PDGFD: variants seen among roughly 807,000 people sequenced by gnomAD.
PDGFD encodes platelet-derived growth factor D.
PDGFD carries 30 observed loss-of-function variants against 44.7 expected under a neutral mutation model. The observed-to-expected ratio is 0.67, with a 90% confidence interval of 0.50 to 0.91. The LOEUF is 0.91. Among genes scored for constraint, PDGFD ranks in the 40% least tolerant of loss-of-function variants. PDGFD has a pLI of 0.00. For missense variants in PDGFD, 445 were observed against 457.8 expected (o/e 0.97, Z 0.25); for synonymous variants, 173 against 168.4 (o/e 1.03, Z -0.21).
intron 1 of PDGFD, among the ~76,000 whole-genome samples, chr11:104,120,927 A>G (rs1235748503): frequency 6.6e-6 from 1 of 151,978 alleles, no homozygotes; most frequent in Non-Finnish European, 1.5e-5. Context: ...TCTCCTCCAC[A>G]GCTCAAATGT....
At chr11:103,958,536 G>A (rs1276439969) in intron 3 of PDGFD, among the ~76,000 whole-genome samples, 1 of 152,136 alleles carries the variant, frequency 6.6e-6, no homozygotes, top group African/African-American at 2.4e-5. Flanking sequence ...AAAATTACAA[G>A]TTTGAAATGA....
At chr11:103,952,534 T>C (rs1346575118) in intron 3 of PDGFD, among the ~76,000 whole-genome samples, 3 of 152,162 alleles carry the variant, frequency 2.0e-5, no homozygotes, top group Non-Finnish European at 4.4e-5. Context: ...TGTACCTTAC[T>C]GTACCTTATA....
chr11:104,150,524 A>C (rs1220573792), intron 1 of PDGFD, among the ~76,000 whole-genome samples: 1 of 152,192 alleles, frequency 6.6e-6, no homozygotes, highest in Non-Finnish European at 1.5e-5. Flanking sequence ...CCAAATTTAC[A>C]GGCTTAAAAC....
At chr11:103,950,862 C>G (rs1261906089) in intron 3 of PDGFD, among the ~76,000 whole-genome samples, 2 of 152,062 alleles carry the variant, frequency 1.3e-5, no homozygotes, top group Non-Finnish European at 2.9e-5. Flanking sequence ...TTGAAGTAGC[C>G]TTAGTTATTT....
chr11:104,006,904 G>T (rs1859710668), intron 1 of PDGFD, among the ~76,000 whole-genome samples: 1 of 152,160 alleles, frequency 6.6e-6, no homozygotes, highest in Non-Finnish European at 1.5e-5. Context: ...CTTCCTGGAT[G>T]CCAGACAAGG....
chr11:104,108,051 G>T (rs1861495460), intron 1 of PDGFD, among the ~76,000 whole-genome samples: 1 of 152,046 alleles, frequency 6.6e-6, no homozygotes, highest in African/African-American at 2.4e-5. Context: ...TTGCAAGTTT[G>T]CAATCAACAA....
At chr11:104,029,146 T>C (rs541663340) in intron 1 of PDGFD, among the ~76,000 whole-genome samples, 14 of 152,280 alleles carry the variant, frequency 9.2e-5, no homozygotes, top group African/African-American at 4.8e-5. Context: ...TCTTTCAGAA[T>C]AGAGAGACAA....
At chr11:103,910,978 T>G (rs1190947841) in intron 6 of PDGFD, among the ~76,000 whole-genome samples, 1 of 152,188 alleles carries the variant, frequency 6.6e-6, no homozygotes, top group East Asian at 1.9e-4. Flanking sequence ...GAAGTTTGAA[T>G]GGGGCGGAGC....
At chr11:103,957,110 G>A (rs1185072150) in intron 3 of PDGFD, among the ~76,000 whole-genome samples, 1 of 152,094 alleles carries the variant, frequency 6.6e-6, no homozygotes, top group Non-Finnish European at 1.5e-5. Flanking sequence ...TGCTTTTGGT[G>A]TTTTAGACAT....
chr11:103,981,138 AATG>A (rs1394745299), intron 3 of PDGFD, among the ~76,000 whole-genome samples: 1 of 151,656 alleles, frequency 6.6e-6, no homozygotes, highest in Non-Finnish European at 1.5e-5. Context: ...TTAATGGGTT[AATG>A]GATTAATGGG....
chr11:103,919,694 A>G (rs1858181805), intron 6 of PDGFD, among the ~76,000 whole-genome samples: 1 of 151,802 alleles, frequency 6.6e-6, no homozygotes, highest in South Asian at 2.1e-4. Context: ...TTTTTAGTAG[A>G]GATGGGGTTT....
At chr11:104,113,602 T>A (rs964488018) in intron 1 of PDGFD, among the ~76,000 whole-genome samples, 2 of 151,782 alleles carry the variant, frequency 1.3e-5, no homozygotes, top group African/African-American at 2.4e-5. Flanking sequence ...TTTTTTTTTT[T>A]AATGAACATA....
At chr11:104,072,406 A>G (rs1052571814) in intron 1 of PDGFD, among the ~76,000 whole-genome samples, 3 of 151,822 alleles carry the variant, frequency 2.0e-5, no homozygotes, top group Admixed American at 1.3e-4. Flanking sequence ...GTATAATAAG[A>G]TATTATTTTA....
At chr11:104,038,034 C>G (rs766627940) in intron 1 of PDGFD, 3 of 1,594,912 alleles carry the variant, frequency 1.9e-6, no homozygotes, top group East Asian at 4.5e-5. Context: ...AAATATGTTA[C>G]CACCTTGAGG....
At chr11:103,989,941 GAAT>G (rs1199510094) in intron 3 of PDGFD, among the ~76,000 whole-genome samples, 6 of 152,008 alleles carry the variant, frequency 3.9e-5, no homozygotes, top group South Asian at 4.2e-4. Flanking sequence ...ATATACTATA[GAAT>G]AATAATAATA....
In PDGFD at chr11:103,992,882, T is replaced by C. The variant is rs79558030; in HGVS notation, c.510+3183A>G. On this transcript the variant is annotated intron_variant, in intron 3 of 6. Coordinates refer to ENST00000393158, the MANE Select transcript of PDGFD (RefSeq NM_025208.5). ...CCTGGATACCTACTACTTGTAGCTT[T>C]AGGAAATGTCCAGGTACACCTGGAG... is the stretch of plus-strand genomic sequence containing the variant. Among the ~76,000 whole-genome samples, 501 of 152,256 alleles carry C rather than the reference T, an allele frequency of 3.3e-3. 3 individuals carry two copies. Among genetic ancestry groups the C allele is most frequent in the African/African-American group, 0.012 (484 of 41,546 alleles).
intron 5 of PDGFD, among the ~76,000 whole-genome samples, chr11:103,927,978 T>C (rs1348138291): frequency 1.3e-5 from 2 of 152,202 alleles, no homozygotes; most frequent in Non-Finnish European, 2.9e-5. Context: ...TAAAGTCAAA[T>C]GGACAAAATT....
chr11:104,126,320 C>A (rs1168743277), intron 1 of PDGFD, among the ~76,000 whole-genome samples: 3 of 152,142 alleles, frequency 2.0e-5, no homozygotes, highest in Non-Finnish European at 2.9e-5. Flanking sequence ...ACGCCCTCCT[C>A]CAGTCCAACA....
chr11:104,126,246 A>C (rs1414201000), intron 1 of PDGFD, among the ~76,000 whole-genome samples: 1 of 152,156 alleles, frequency 6.6e-6, no homozygotes, highest in African/African-American at 2.4e-5. Context: ...GCAGCCTGTA[A>C]GCTGGAGGCA....
Sources: allele counts gnomAD v4.1 joint callset (sites outside exome capture counted in the v4.1 genomes callset), GRCh38; gene constraint gnomAD v4.1.1; transcripts MANE v1.5; gene names NCBI Gene and HGNC (gene_info 2026-07-23, HGNC 2026-07-21).